Variants in RDX observed in about 807,000 individuals in gnomAD.
RDX encodes deafness, autosomal recessive 24.
Under a neutral mutation model 83.7 loss-of-function variants are expected in RDX, and 32 were observed. The ratio of observed to expected loss-of-function variants is 0.38; its 90% CI spans 0.29 to 0.51. RDX has a LOEUF of 0.51. RDX is among the 20% of genes least tolerant of loss of function. RDX has a pLI of 0.87. For synonymous variants in RDX, 229 were observed against 222.7 expected, an observed-to-expected ratio of 1.03 and a Z score of -0.25; for missense variants, 600 against 689.9, an observed-to-expected ratio of 0.87 and a Z score of 1.46.
chr11:110,263,945 G>T lies in RDX; in HGVS notation c.467+15C>A, dbSNP rs373189827. 1 of 1,608,366 alleles carries T rather than the reference G, an allele frequency of 6.2e-7. No individual in the cohort carries two copies. The highest frequency in any genetic ancestry group is 8.5e-7 in the Non-Finnish European group (1 of 1,175,404). On this transcript the variant is annotated intron_variant, in intron 5 of 13. Coordinates refer to ENST00000645495, the MANE Select transcript of RDX (RefSeq NM_002906.4). ...AATTTTCAGACAATATAATGCAAACGCATGTTTCACTTACCGCTGGGGTAG... is the reference window on the plus strand; with the variant it reads ...AATTTTCAGACAATATAATGCAAACTCATGTTTCACTTACCGCTGGGGTAG...
chr11:110,284,353 A>G (rs1860891304), intron 1 of RDX, among the ~76,000 whole-genome samples: 1 of 152,216 alleles, frequency 6.6e-6, no homozygotes, highest in South Asian at 2.1e-4. Flanking sequence ...ACAATCACCA[A>G]AGTAATGTTG....
At position 110,183,806 on chromosome 11, in the gene RDX, A is replaced by G. The variant is rs185651402; in HGVS notation, c.*32-8572T>C. Among the ~76,000 whole-genome samples, 712 of 152,312 alleles carry G rather than the reference A, an allele frequency of 4.7e-3. 4 individuals are homozygous for G. Among genetic ancestry groups the G allele is most frequent in the South Asian group, 0.014 (69 of 4,826 alleles). ...TCACCAAGCCTGGCTTTAGGCCACC[A>G]TGATTGTTTTCCCCAGAGTTGCAAT... is the stretch of plus-strand genomic sequence containing the variant. On this transcript the variant is annotated intron_variant, in intron 15 of 15. Coordinates refer to the RDX transcript ENST00000528498.
chr11:110,201,905 G>T (rs1277385070), intron 14 of RDX, among the ~76,000 whole-genome samples: 1 of 12,820 alleles, frequency 7.8e-5, no homozygotes, highest in Non-Finnish European at 1.4e-4. Context: ...GGCTAATTTT[G>T]TGTGTGTGTG....
chr11:110,266,048 T>G (rs951642561), intron 3 of RDX, among the ~76,000 whole-genome samples: 6 of 151,988 alleles, frequency 3.9e-5, no homozygotes, highest in Middle Eastern at 6.8e-3. Flanking sequence ...AAGTAGGCTG[T>G]GCGCAGTGGC....
rs910091157 is a variant in RDX at position 110,296,577 on chromosome 11, G to T, written c.-175C>A. 2 of 151,054 alleles carry T rather than the reference G, an allele frequency of 1.3e-5. No individual in the cohort carries two copies. The highest frequency in any genetic ancestry group is 3.0e-5 in the Non-Finnish European group (2 of 67,680). 9.4% of individuals were successfully genotyped at this position (151,054 alleles called of 1,614,324 possible). A position where few individuals can be genotyped will look rare whatever the true frequency, so the allele number is the denominator to read the frequency against. On this transcript the variant is annotated 5_prime_UTR_variant, in exon 1 of 14. Transcript: ENST00000645495. ...GTGCGAGCGCTGGCCCGCGGGAGAC[G>T]AGAGGCGCCGCCGCCACCGCAGACA...
In RDX at chr11:110,237,555, A is replaced by G. The variant is rs886047647; in HGVS notation, c.1188T>C (p.Ala396=). Residue 396 remains alanine (A), a synonymous_variant, in exon 11 of 14, where the codon GCT becomes GCC. Transcript: ENST00000645495. ...AERLEKERRA[A]EEAKSAIAKQ... ...TTGCTATGGCAGACTTTGCCTCTTC[A>G]GCAGCTCGACGCTCCTTTTCAAGTC... 4.3e-6 allele frequency: 7 copies of G among 1,613,732 alleles called. No homozygotes were observed.
At chr11:110,207,851 A>G (rs1177685022) in intron 14 of RDX, among the ~76,000 whole-genome samples, 4 of 152,188 alleles carry the variant, frequency 2.6e-5, no homozygotes, top group African/African-American at 9.7e-5. Context: ...CATTTGCCCT[A>G]TTTGCTCTAA....
intron 15 of RDX, among the ~76,000 whole-genome samples, chr11:110,175,570 G>C (rs1297942805): frequency 6.6e-6 from 1 of 152,246 alleles, no homozygotes; most frequent in East Asian, 1.9e-4. Flanking sequence ...CCAGAGGTCT[G>C]GGTGGGTGGG....
chr11:110,197,298 G>A (rs535976160), intron 15 of RDX, among the ~76,000 whole-genome samples: 3 of 152,176 alleles, frequency 2.0e-5, no homozygotes, highest in Non-Finnish European at 4.4e-5. Context: ...CTGTGGAGAA[G>A]CCCTGGGGGC....
intron 12 of RDX, among the ~76,000 whole-genome samples, chr11:110,235,674 T>C (rs887901738): frequency 1.3e-5 from 2 of 152,212 alleles, no homozygotes; most frequent in Admixed American, 6.5e-5. Flanking sequence ...CCACATCTCC[T>C]AACATTTCTG....
At chr11:110,241,214 C>T (rs1403950376) in intron 10 of RDX, among the ~76,000 whole-genome samples, 1 of 152,050 alleles carries the variant, frequency 6.6e-6, no homozygotes, top group Non-Finnish European at 1.5e-5. Flanking sequence ...GTTACCATAG[C>T]GATATTCTAC....
chr11:110,231,840 T>G lies in RDX; in HGVS notation c.*29A>C. On this transcript the variant is annotated 3_prime_UTR_variant, in exon 14 of 14. Transcript: ENST00000645495. ...TTTTCTCTGTTGGTGGTTCAGCTTA[T>G]GAAGAACATATATGCAAAATAACAG... The G allele has an allele frequency of 6.2e-7, 1 of 1,611,120 alleles. No homozygotes were observed. The highest frequency in any genetic ancestry group is 8.5e-7 in the Non-Finnish European group (1 of 1,179,542).
rs143852991 is a variant in RDX, at chr11:110,176,942, G to A, written c.*32-1708C>T. 2.9e-4 allele frequency among the ~76,000 whole-genome samples: 44 copies of A among 152,254 alleles called. No homozygotes were observed. In the East Asian group the frequency reaches 8.3e-3, roughly 29 times the overall value. ...GGAACCAGCGCAACATCGCACAGTC[G>A]GCTGGCCTGCAGCCTGCCAAGGGCC... On this transcript the variant is annotated intron_variant, in intron 15 of 15. Coordinates refer to the RDX transcript ENST00000528498.
intron 15 of RDX, among the ~76,000 whole-genome samples, chr11:110,187,571 C>A (rs1361709352): frequency 6.6e-6 from 1 of 152,232 alleles, no homozygotes; most frequent in African/African-American, 2.4e-5. Flanking sequence ...GATGCCCCCA[C>A]TCCCTGTGCA....
rs560504309 is a variant in RDX, at chr11:110,266,800, C to G, written c.97-1926G>C. Among the ~76,000 whole-genome samples, 3 of 152,190 alleles carry G rather than the reference C, an allele frequency of 2.0e-5. No individual in the cohort carries two copies. In the South Asian group the frequency reaches 6.2e-4, roughly 32 times the overall value. ...CAGGGGTCTTGCTATGTCGCCAAGG[C>G]TAATCTTAAACTCCTGGCCTCAAGT... On this transcript the variant is annotated intron_variant, in intron 3 of 13. Coordinates refer to ENST00000645495, the MANE Select transcript of RDX (RefSeq NM_002906.4).
chr11:110,245,415 C>T (rs753235649), intron 10 of RDX, among the ~76,000 whole-genome samples: 6 of 152,188 alleles, frequency 3.9e-5, no homozygotes, highest in African/African-American at 9.6e-5. Context: ...GCCTGTGCAA[C>T]AGAGTGAGAA....
chr11:110,291,598 C>T (rs539701030), intron 1 of RDX, among the ~76,000 whole-genome samples: 1 of 152,236 alleles, frequency 6.6e-6, no homozygotes, highest in African/African-American at 2.4e-5. Flanking sequence ...AAGGGGCTAA[C>T]TGCAGGCTTG....
intron 1 of RDX, among the ~76,000 whole-genome samples, chr11:110,284,724 C>T (rs1347734105): frequency 3.3e-5 from 5 of 151,788 alleles, no homozygotes; most frequent in African/African-American, 9.7e-5. Flanking sequence ...GGGGTTTCAC[C>T]GTGTTAGCCA....
intron 15 of RDX, among the ~76,000 whole-genome samples, chr11:110,178,877 G>A (rs1404603887): frequency 1.3e-5 from 2 of 152,154 alleles, no homozygotes; most frequent in Non-Finnish European, 2.9e-5. Context: ...GGCACAACCT[G>A]TTTCTCTTTT....
Sources: allele counts gnomAD v4.1 joint callset (sites outside exome capture counted in the v4.1 genomes callset), GRCh38; gene constraint gnomAD v4.1.1; transcripts MANE v1.5; gene names NCBI Gene and HGNC (gene_info 2026-07-23, HGNC 2026-07-21).